PSME4: variants seen among roughly 807,000 people sequenced by gnomAD.
PSME4 encodes proteasome activator subunit 4.
Under a neutral mutation model 253.9 loss-of-function variants are expected in PSME4, and 89 were observed. The observed-to-expected ratio is 0.35, with a 90% CI of 0.30 to 0.42. The LOEUF is 0.42. Among genes scored for constraint, PSME4 ranks in the 10% least tolerant of loss-of-function variants. The probability of loss-of-function intolerance (pLI) is 1.00; values close to 1 mark genes in which losing one functional copy is unlikely to be tolerated. For synonymous variants in PSME4, 851 were observed against 759.2 expected (o/e 1.12, Z -1.99); for missense variants, 2,014 against 2,195.2 (o/e 0.92, Z 1.65).
At chr2:53,939,566 A>T (rs1171260176) in intron 4 of PSME4, among the ~76,000 whole-genome samples, 1 of 152,212 alleles carries the variant, frequency 6.6e-6, no homozygotes, top group Non-Finnish European at 1.5e-5. Context: ...CTCTCTACAA[A>T]AAATATTGAA....
At chr2:53,924,033 C>T (rs1224036509) in intron 14 of PSME4, among the ~76,000 whole-genome samples, 1 of 151,106 alleles carries the variant, frequency 6.6e-6, no homozygotes, top group African/African-American at 2.4e-5. Context: ...GTCTTTCTGG[C>T]TAATTGAATA....
chr2:53,872,812 C>T (rs1006999282), intron 43 of PSME4, among the ~76,000 whole-genome samples: 8 of 140,128 alleles, frequency 5.7e-5, no homozygotes, highest in Non-Finnish European at 1.1e-4. Flanking sequence ...TAAATGCAAG[C>T]GGTATAATAA....
chr2:53,959,355 ACT>A (rs1311299381), intron 1 of PSME4, among the ~76,000 whole-genome samples: 2 of 151,868 alleles, frequency 1.3e-5, no homozygotes, highest in African/African-American at 2.4e-5. Context: ...ACAGAGCGAG[ACT>A]CTGTCTCAAA....
intron 1 of PSME4, among the ~76,000 whole-genome samples, chr2:53,961,341 C>T (rs1464850077): frequency 6.6e-6 from 1 of 151,990 alleles, no homozygotes; most frequent in Non-Finnish European, 1.5e-5. Context: ...AAAGGTTAGA[C>T]AGAAACATAG....
At chr2:53,882,565 T>C (rs1679441611) in intron 41 of PSME4, among the ~76,000 whole-genome samples, 1 of 151,966 alleles carries the variant, frequency 6.6e-6, no homozygotes, top group Non-Finnish European at 1.5e-5. Context: ...TTCAGAGGGG[T>C]TGAATTAGAT....
At chr2:53,926,084 A>T in intron 12 of PSME4, 61 bp from the exon 13 acceptor site, 1 of 1,366,260 alleles carries the variant, frequency 7.3e-7, no homozygotes, top group Non-Finnish European at 1.0e-6. Context: ...TCCTGAACTA[A>T]CAAAACTCAA....
chr2:53,963,272 G>A (rs897213255), intron 1 of PSME4, among the ~76,000 whole-genome samples: 5 of 151,958 alleles, frequency 3.3e-5, no homozygotes, highest in Non-Finnish European at 7.4e-5. Flanking sequence ...GTTAAAACAG[G>A]GGGGTATGAT....
At chr2:53,969,351 C>T (rs1418423556) in intron 1 of PSME4, among the ~76,000 whole-genome samples, 4 of 152,160 alleles carry the variant, frequency 2.6e-5, no homozygotes, top group African/African-American at 9.7e-5. Flanking sequence ...AAAAAGGTCC[C>T]ACCCACCCCT....
intron 20 of PSME4, 126 bp downstream of exon 20, chr2:53,919,025 A>T: frequency 1.1e-6 from 1 of 915,142 alleles, no homozygotes; most frequent in Non-Finnish European, 1.6e-6. Context: ...TTTTGACCTT[A>T]ACAGTGACAA....
intron 1 of PSME4, among the ~76,000 whole-genome samples, chr2:53,954,546 T>C (rs1670148113): frequency 6.6e-6 from 1 of 151,814 alleles, no homozygotes; most frequent in African/African-American, 2.4e-5. Context: ...CTATCTTGAG[T>C]AAATAATTCA....
chr2:53,962,751 G>A (rs893808321), intron 1 of PSME4, among the ~76,000 whole-genome samples: 3 of 152,242 alleles, frequency 2.0e-5, no homozygotes, highest in East Asian at 1.9e-4. Flanking sequence ...GGTGGCTCAC[G>A]CCTGTAATCC....
intron 26 of PSME4, among the ~76,000 whole-genome samples, chr2:53,905,866 G>C (rs373603803): frequency 6.6e-6 from 1 of 152,108 alleles, no homozygotes; most frequent in Non-Finnish European, 1.5e-5. Flanking sequence ...GAAATGTTTT[G>C]GATTTGAGAT....
At chr2:53,873,011 C>T (rs1009336313) in intron 43 of PSME4, among the ~76,000 whole-genome samples, 1 of 151,626 alleles carries the variant, frequency 6.6e-6, no homozygotes, top group Admixed American at 6.6e-5. Context: ...GAAGCTGAGA[C>T]AGGCAGATCA....
At chr2:53,926,485 C>G (rs1429084957) in intron 12 of PSME4, among the ~76,000 whole-genome samples, 3 of 152,228 alleles carry the variant, frequency 2.0e-5, no homozygotes, top group South Asian at 2.1e-4. Flanking sequence ...ACCAGTCTGG[C>G]CAACATGGCA....
At chr2:53,910,943 C>G (rs746989597) in intron 20 of PSME4, among the ~76,000 whole-genome samples, 1 of 152,134 alleles carries the variant, frequency 6.6e-6, no homozygotes, top group Non-Finnish European at 1.5e-5. Flanking sequence ...CAAGCATATA[C>G]AGAGTTAATA....
At chr2:53,931,812 T>C (rs1668844324) in intron 10 of PSME4, 23 bp downstream of exon 10, 4 of 1,610,582 alleles carry the variant, frequency 2.5e-6, no homozygotes, top group Non-Finnish European at 3.4e-6. Context: ...TAGCTGTGGC[T>C]GAGACTCCCA....
intron 1 of PSME4, among the ~76,000 whole-genome samples, chr2:53,961,340 A>G (rs952332608): frequency 6.6e-6 from 1 of 152,088 alleles, no homozygotes; most frequent in South Asian, 2.1e-4. Context: ...CAAAGGTTAG[A>G]CAGAAACATA....
intron 5 of PSME4, among the ~76,000 whole-genome samples, chr2:53,937,028 G>A (rs1669158155): frequency 6.6e-6 from 1 of 152,130 alleles, no homozygotes; most frequent in South Asian, 2.1e-4. Flanking sequence ...TAAGAAATAT[G>A]ATCTCACAGA....
chr2:53,958,456 G>C (rs1670334718), intron 1 of PSME4, among the ~76,000 whole-genome samples: 1 of 152,070 alleles, frequency 6.6e-6, no homozygotes, highest in African/African-American at 2.4e-5. Flanking sequence ...TGTCCAATCT[G>C]ATTATGATAC....
Sources: allele counts gnomAD v4.1 joint callset (sites outside exome capture counted in the v4.1 genomes callset), GRCh38; gene constraint gnomAD v4.1.1; transcripts MANE v1.5; gene names NCBI Gene and HGNC (gene_info 2026-07-23, HGNC 2026-07-21).